The following MAGI1 variants were observed in gnomAD, a reference collection of about 807,000 sequenced individuals.
MAGI1 encodes membrane associated guanylate kinase, WW and PDZ domain containing 1, also known as membrane-associated guanylate kinase, WW and PDZ domain-containing protein 1.
A neutral mutation model predicts 139.9 loss-of-function variants in MAGI1; 58 were observed. The ratio of observed to expected loss-of-function variants is 0.41; its 90% CI spans 0.34 to 0.52. MAGI1 has a LOEUF of 0.52. Ranked by LOEUF, MAGI1 falls within the 20% of genes least tolerant of loss-of-function variation. The pLI, the probability that MAGI1 is intolerant of heterozygous loss-of-function variation, is 0.12. For synonymous variants in MAGI1, 812 were observed against 737.9 expected, an observed-to-expected ratio of 1.10 and a Z score of -1.63; for missense variants, 1,874 against 1,901.6, an observed-to-expected ratio of 0.99 and a Z score of 0.27.
intron 2 of MAGI1, among the ~76,000 whole-genome samples, chr3:65,593,877 T>G (rs1289796629): frequency 6.6e-6 from 1 of 152,202 alleles, no homozygotes; most frequent in Non-Finnish European, 1.5e-5. Context: ...AGAATGGAAT[T>G]AAAAGAAATA....
At chr3:65,459,363 T>A (rs1411720054) in intron 5 of MAGI1, among the ~76,000 whole-genome samples, 3 of 152,214 alleles carry the variant, frequency 2.0e-5, no homozygotes, top group African/African-American at 4.8e-5. Flanking sequence ...TGATAGGGAT[T>A]GCATTGAATG....
chr3:65,541,374 C>T (rs946161270), intron 2 of MAGI1, among the ~76,000 whole-genome samples: 30 of 152,152 alleles, frequency 2.0e-4, no homozygotes, highest in African/African-American at 7.0e-4. Flanking sequence ...GCTTCTGAAA[C>T]GATTCCACAC....
intron 1 of MAGI1, among the ~76,000 whole-genome samples, chr3:65,806,205 T>A (rs916394834): frequency 5.9e-5 from 9 of 152,038 alleles, no homozygotes; most frequent in African/African-American, 2.2e-4. Context: ...CTGAGGCAGG[T>A]GGATCACAAG....
chr3:65,886,656 G>A (rs2060542680), intron 1 of MAGI1, among the ~76,000 whole-genome samples: 1 of 152,162 alleles, frequency 6.6e-6, no homozygotes, highest in Non-Finnish European at 1.5e-5. Context: ...ATGCACAGGA[G>A]GACAATATCT....
intron 6 of MAGI1, 29 bp from the exon 7 acceptor site, chr3:65,448,086 C>A (rs370586233): frequency 4.6e-5 from 74 of 1,612,852 alleles, no homozygotes; most frequent in Non-Finnish European, 5.4e-5. Context: ...AGGAATGAGA[C>A]AGAAAAGAGA....
At chr3:65,988,205 A>C (rs1265941529) in intron 1 of MAGI1, among the ~76,000 whole-genome samples, 3 of 152,174 alleles carry the variant, frequency 2.0e-5, no homozygotes, top group Non-Finnish European at 4.4e-5. Flanking sequence ...TCAAATCTAC[A>C]CTTGTCCCGA....
intron 2 of MAGI1, among the ~76,000 whole-genome samples, chr3:65,525,273 C>A (rs549085891): frequency 1.3e-5 from 2 of 152,198 alleles, no homozygotes; most frequent in East Asian, 3.9e-4. Context: ...TTTCTCAAAT[C>A]TGCAACTCTG....
chr3:65,827,399 C>CA (rs145490877), intron 1 of MAGI1, among the ~76,000 whole-genome samples: 3,403 of 150,752 alleles, frequency 0.023, 95 homozygotes, highest in African/African-American at 0.065. Context: ...AAGAATATTA[C>CA]AAAAAAAAAC....
chr3:65,793,182 C>CA (rs1377015317), intron 1 of MAGI1, among the ~76,000 whole-genome samples: 1 of 152,184 alleles, frequency 6.6e-6, no homozygotes, highest in Non-Finnish European at 1.5e-5. Flanking sequence ...AAATTGCTGG[C>CA]AGGGCTTCAT....
chr3:65,688,493 C>T (rs2088272007), intron 1 of MAGI1: 1 of 452,260 alleles, frequency 2.2e-6, no homozygotes, highest in African/African-American at 2.0e-5. Flanking sequence ...CCTTTCCTAC[C>T]CAAGGGGGAA....
intron 1 of MAGI1, among the ~76,000 whole-genome samples, chr3:65,871,621 G>A (rs1435739458): frequency 6.6e-6 from 1 of 152,208 alleles, no homozygotes; most frequent in Non-Finnish European, 1.5e-5. Context: ...GGTGGAGTGA[G>A]GTGGAGGGAA....
intron 1 of MAGI1, among the ~76,000 whole-genome samples, chr3:65,798,955 C>T (rs1389248917): frequency 1.3e-5 from 2 of 152,126 alleles, no homozygotes; most frequent in African/African-American, 4.8e-5. Context: ...AGCAGGTCGA[C>T]TGTCAAAGTA....
intron 2 of MAGI1, among the ~76,000 whole-genome samples, chr3:65,552,556 C>T (rs1319758997): frequency 6.6e-6 from 1 of 152,044 alleles, no homozygotes; most frequent in African/African-American, 2.4e-5. Flanking sequence ...CTTAGAAGCC[C>T]TCTCAAGACT....
At chr3:65,794,871 A>G (rs2040021900) in intron 1 of MAGI1, among the ~76,000 whole-genome samples, 1 of 150,772 alleles carries the variant, frequency 6.6e-6, no homozygotes, top group Non-Finnish European at 1.5e-5. Context: ...CCCACAAACT[A>G]TCCGGGTATA....
At chr3:65,975,933 G>A (rs1405425961) in intron 1 of MAGI1, among the ~76,000 whole-genome samples, 1 of 152,148 alleles carries the variant, frequency 6.6e-6, no homozygotes. Context: ...TTTTTGAGCT[G>A]GAAATTCAAG....
At chr3:65,403,905 T>C (rs1401385611) in intron 12 of MAGI1, among the ~76,000 whole-genome samples, 2 of 152,216 alleles carry the variant, frequency 1.3e-5, no homozygotes, top group African/African-American at 2.4e-5. Flanking sequence ...TCTAAAAAAC[T>C]GTGGGGCAGC....
intron 3 of MAGI1, among the ~76,000 whole-genome samples, chr3:65,481,329 G>C (rs1951273170): frequency 6.6e-6 from 1 of 152,162 alleles, no homozygotes; most frequent in African/African-American, 2.4e-5. Flanking sequence ...CATTTCTACA[G>C]TGGTTGTATC....
intron 22 of MAGI1, chr3:65,360,583 C>G: frequency 1.0e-6 from 1 of 985,160 alleles, no homozygotes; most frequent in East Asian, 1.1e-4. Context: ...TTATTTCATC[C>G]TTTATCATTT....
intron 1 of MAGI1, among the ~76,000 whole-genome samples, chr3:66,032,930 A>AC (rs1207671775): frequency 2.0e-5 from 3 of 149,776 alleles, no homozygotes; most frequent in African/African-American, 7.4e-5. Flanking sequence ...AAAAAAAAAA[A>AC]AAAACAACAA....
Sources: gnomAD v4.1 joint callset for allele counts (sites outside exome capture counted in the v4.1 genomes callset) on GRCh38, gnomAD v4.1.1 for gene constraint, MANE v1.5 for transcripts, NCBI Gene and HGNC (gene_info 2026-07-23, HGNC 2026-07-21) for gene names.